CMTM8: variants seen among roughly 807,000 people sequenced by gnomAD.
CMTM8 encodes the protein CKLF-like MARVEL transmembrane domain-containing protein 8.
CMTM8 carries 12 observed loss-of-function variants against 18.6 expected under a neutral mutation model. The ratio of observed to expected loss-of-function variants is 0.65; its 90% CI spans 0.41 to 1.05. CMTM8 has a LOEUF of 1.05. Among genes scored for constraint, CMTM8 ranks in the 50% least tolerant of loss-of-function variants. CMTM8 has a pLI of 0.00. For missense variants in CMTM8, 217 were observed against 227.2 expected (o/e 0.95, Z 0.29); for synonymous variants, 87 against 90.6 (o/e 0.96, Z 0.23).
At chr3:32,353,941 C>T (rs186859716) in intron 1 of CMTM8, among the ~76,000 whole-genome samples, 34 of 151,974 alleles carry the variant, frequency 2.2e-4, no homozygotes, top group Non-Finnish European at 4.3e-4. Flanking sequence ...GGTACCACGA[C>T]GCCCAGCTAA....
intron 1 of CMTM8, among the ~76,000 whole-genome samples, chr3:32,343,432 A>G (rs1013869715): frequency 2.6e-5 from 4 of 152,166 alleles, no homozygotes; most frequent in African/African-American, 9.7e-5. Context: ...GCAAAGACCC[A>G]TGTCACCAGC....
intron 1 of CMTM8, among the ~76,000 whole-genome samples, chr3:32,298,199 A>G (rs1032729107): frequency 9.2e-5 from 14 of 151,458 alleles, no homozygotes; most frequent in African/African-American, 2.7e-4. Flanking sequence ...CAGCCTCCCC[A>G]GTAGCTGGGA....
chr3:32,315,565 G>T (rs1339026400), intron 1 of CMTM8, among the ~76,000 whole-genome samples: 1 of 152,216 alleles, frequency 6.6e-6, no homozygotes, highest in Non-Finnish European at 1.5e-5. Flanking sequence ...GGGATCCCTG[G>T]AATGTTAAAG....
intron 1 of CMTM8, among the ~76,000 whole-genome samples, chr3:32,281,230 C>T (rs1559368890): frequency 6.6e-6 from 1 of 152,224 alleles, no homozygotes; most frequent in African/African-American, 2.4e-5. Context: ...AGTGGCTACA[C>T]TGTACCTGAA....
intron 1 of CMTM8, among the ~76,000 whole-genome samples, chr3:32,293,075 G>A (rs1205555522): frequency 8.6e-5 from 10 of 116,942 alleles, no homozygotes; most frequent in African/African-American, 2.5e-4. Context: ...ATATATGTGT[G>A]TGTATATATA....
intron 1 of CMTM8, among the ~76,000 whole-genome samples, chr3:32,258,023 A>G (rs989339726): frequency 6.6e-6 from 1 of 152,062 alleles, no homozygotes; most frequent in Non-Finnish European, 1.5e-5. Flanking sequence ...TATCCTGGGG[A>G]CTATTTCCAG....
At chr3:32,306,748 G>A (rs1227391238) in intron 1 of CMTM8, among the ~76,000 whole-genome samples, 2 of 152,162 alleles carry the variant, frequency 1.3e-5, no homozygotes, top group African/African-American at 2.4e-5. Flanking sequence ...AGGTTTAGTG[G>A]GCAACCTTGA....
At chr3:32,255,213 GT>G (rs1368064986) in intron 1 of CMTM8, among the ~76,000 whole-genome samples, 1 of 151,924 alleles carries the variant, frequency 6.6e-6, no homozygotes, top group Non-Finnish European at 1.5e-5. Flanking sequence ...TAATAATGCT[GT>G]TAAGAATATT....
intron 2 of CMTM8, among the ~76,000 whole-genome samples, chr3:32,365,494 G>C (rs1461677461): frequency 6.6e-6 from 1 of 152,104 alleles, no homozygotes; most frequent in Non-Finnish European, 1.5e-5. Context: ...CACCCAGGCT[G>C]GAGTGCAGTG....
intron 1 of CMTM8, among the ~76,000 whole-genome samples, chr3:32,321,788 A>G (rs916521331): frequency 6.6e-6 from 1 of 152,126 alleles, no homozygotes; most frequent in African/African-American, 2.4e-5. Flanking sequence ...TTGTAGAGAC[A>G]GAGTCTCACT....
intron 1 of CMTM8, among the ~76,000 whole-genome samples, chr3:32,304,899 A>C (rs1456017375): frequency 1.3e-5 from 2 of 152,254 alleles, no homozygotes; most frequent in Non-Finnish European, 2.9e-5. Flanking sequence ...AAAGCTTATG[A>C]GGAGGAATAT....
chr3:32,337,492 T>C (rs1696410389), intron 1 of CMTM8, among the ~76,000 whole-genome samples: 1 of 152,222 alleles, frequency 6.6e-6, no homozygotes, highest in Admixed American at 6.5e-5. Context: ...CCCAGGACCA[T>C]GATCCAAGTG....
At chr3:32,357,588 G>T in intron 2 of CMTM8, 42 bp downstream of exon 2, 2 of 1,594,256 alleles carry the variant, frequency 1.3e-6, no homozygotes, top group South Asian at 1.1e-5. Flanking sequence ...GTGCCCACTC[G>T]GTAGATGGCA....
intron 1 of CMTM8, among the ~76,000 whole-genome samples, chr3:32,331,261 T>C (rs1385829242): frequency 6.6e-6 from 1 of 152,174 alleles, no homozygotes; most frequent in Non-Finnish European, 1.5e-5. Context: ...AAAACCATAA[T>C]GAGCTATTAC....
chr3:32,353,665 A>G (rs1280853435), intron 1 of CMTM8, among the ~76,000 whole-genome samples: 3 of 152,218 alleles, frequency 2.0e-5, no homozygotes, highest in Non-Finnish European at 1.5e-5. Flanking sequence ...GGTGGTTATA[A>G]ATGCAAGGAA....
intron 1 of CMTM8, among the ~76,000 whole-genome samples, chr3:32,260,509 A>C (rs1702241715): frequency 6.6e-6 from 1 of 151,896 alleles, no homozygotes; most frequent in South Asian, 2.1e-4. Context: ...CCTTACCTGG[A>C]TTGCTTTCTG....
At chr3:32,259,960 C>T in intron 1 of CMTM8, 1 of 1,128,938 alleles carries the variant, frequency 8.9e-7, no homozygotes, top group Non-Finnish European at 1.3e-6. Context: ...TCAACGGGAT[C>T]CTGCTGCACC....
chr3:32,243,113 G>A (rs1452166298), intron 1 of CMTM8, among the ~76,000 whole-genome samples: 8 of 151,742 alleles, frequency 5.3e-5, no homozygotes, highest in Non-Finnish European at 1.0e-4. Flanking sequence ...GGCTGGTCTC[G>A]AATTCCTGAC....
rs572184294 is a variant in CMTM8, at chr3:32,239,542, T to C, written c.147+423T>C. Among the ~76,000 whole-genome samples the C allele has an allele frequency of 2.6e-5, 4 of 152,234 alleles. No individual in the cohort carries two copies. The South Asian group carries it at 8.3e-4, about 32-fold the overall frequency. ...GGGAAGAGGAAAGGGCTTCTTTCTT[T>C]TCCTAATTATCTCCCTGGTAGTAAC... On this transcript the variant is annotated intron_variant, in intron 1 of 3. Coordinates refer to ENST00000307526, the MANE Select transcript of CMTM8 (RefSeq NM_178868.5).
Sources: gnomAD v4.1 joint callset for allele counts (sites outside exome capture counted in the v4.1 genomes callset) on GRCh38, gnomAD v4.1.1 for gene constraint, MANE v1.5 for transcripts, NCBI Gene and HGNC (gene_info 2026-07-23, HGNC 2026-07-21) for gene names.